PABPC4L: variants seen among roughly 807,000 people sequenced by gnomAD.
PABPC4L encodes the protein poly(A) binding protein cytoplasmic 4 like, also known as polyadenylate-binding protein 4-like.
For missense variants in PABPC4L, 452 were observed against 451.4 expected (o/e 1.00, Z -0.01); for synonymous variants, 169 against 164.1 (o/e 1.03, Z -0.23).
At chr4:134,163,352 T>C in the PABPC4L span, among the ~76,000 whole-genome samples, 1 of 152,108 alleles carries the variant, frequency 6.6e-6, no homozygotes, top group East Asian at 1.9e-4. Flanking sequence ...GCAGTGAGAC[T>C]GAATCAGTAA....
At chr4:134,018,093 C>T in the PABPC4L span, among the ~76,000 whole-genome samples, 7 of 152,072 alleles carry the variant, frequency 4.6e-5, no homozygotes, top group Non-Finnish European at 1.0e-4. Context: ...TGAAAATGGC[C>T]TGTTCCTGCC....
At chr4:134,122,438 G>T in the PABPC4L span, among the ~76,000 whole-genome samples, 4 of 151,746 alleles carry the variant, frequency 2.6e-5, no homozygotes, top group African/African-American at 4.8e-5. Context: ...ATATTAAATT[G>T]TATTGTGTTT....
At chr4:134,173,375 A>G in the PABPC4L span, among the ~76,000 whole-genome samples, 1 of 152,056 alleles carries the variant, frequency 6.6e-6, no homozygotes. Flanking sequence ...GCACATATAC[A>G]CATTATAATC....
At chr4:134,123,572 T>C in the PABPC4L span, among the ~76,000 whole-genome samples, 1 of 151,978 alleles carries the variant, frequency 6.6e-6, no homozygotes, top group Non-Finnish European at 1.5e-5. Flanking sequence ...AATTTACAAA[T>C]ATTGAATCCA....
the PABPC4L span, among the ~76,000 whole-genome samples, chr4:134,168,474 A>G: frequency 1.3e-5 from 2 of 151,894 alleles, no homozygotes; most frequent in African/African-American, 2.4e-5. Context: ...CAAATGAAAG[A>G]AAAAGTTGGT....
chr4:134,118,770 G>T, the PABPC4L span, among the ~76,000 whole-genome samples: 1 of 151,598 alleles, frequency 6.6e-6, no homozygotes, highest in East Asian at 1.9e-4. Context: ...GTTTGCTTCA[G>T]TAGAATAGCA....
At chr4:134,189,745 C>A in the PABPC4L span, among the ~76,000 whole-genome samples, 1 of 152,038 alleles carries the variant, frequency 6.6e-6, no homozygotes. Flanking sequence ...TAAATGCTTT[C>A]ATTTTTCTTT....
At chr4:134,026,890 C>T in the PABPC4L span, among the ~76,000 whole-genome samples, 1 of 151,972 alleles carries the variant, frequency 6.6e-6, no homozygotes, top group Non-Finnish European at 1.5e-5. Flanking sequence ...GGAAAAGTCA[C>T]AGAATGGATT....
In PABPC4L at chr4:134,200,951, C is replaced by T. The variant is rs770281147; in HGVS notation, c.69G>A (p.Glu23=). Residue 23 remains glutamate, a synonymous_variant, in exon 2 of 2, where the codon GAG becomes GAA. Coordinates refer to ENST00000421491, the MANE Select transcript of PABPC4L (RefSeq NM_001114734.2). ...YVGDLHADVT[E]DLLFRKFSTV... The stretch of plus-strand genomic sequence containing the variant: ...TGCTGAACTTCCTGAACAGCAGGTC[C>T]TCGGTGACATCTGCATGTAAGTCAC... 6.4e-7 allele frequency: 1 copy of T among 1,556,566 alleles called. No individual in the cohort carries two copies. The highest frequency in any genetic ancestry group is 1.4e-5 in the African/African-American group (1 of 73,246).
chr4:134,034,203 C>G, the PABPC4L span, among the ~76,000 whole-genome samples: 1 of 151,932 alleles, frequency 6.6e-6, no homozygotes. Flanking sequence ...GCATGGATAG[C>G]AACATACCTG....
At chr4:133,972,454 T>A in the PABPC4L span, among the ~76,000 whole-genome samples, 1 of 152,130 alleles carries the variant, frequency 6.6e-6, no homozygotes, top group Non-Finnish European at 1.5e-5. Context: ...TCCATTTATC[T>A]AGGGGCAGAT....
chr4:134,141,490 T>C, the PABPC4L span, among the ~76,000 whole-genome samples: 1 of 149,824 alleles, frequency 6.7e-6, no homozygotes, highest in Non-Finnish European at 1.5e-5. Context: ...TAACTATATA[T>C]TATATTATAA....
the PABPC4L span, among the ~76,000 whole-genome samples, chr4:134,045,523 A>G: frequency 5.9e-5 from 9 of 152,312 alleles, no homozygotes; most frequent in South Asian, 1.0e-3. Context: ...GGAGAAGTGC[A>G]TAGAGCTTCA....
At chr4:134,074,469 T>C in the PABPC4L span, among the ~76,000 whole-genome samples, 27 of 152,130 alleles carry the variant, frequency 1.8e-4, no homozygotes, top group Admixed American at 6.5e-5. Flanking sequence ...CTAGGAAGTT[T>C]CAAACTTTCC....
the PABPC4L span, among the ~76,000 whole-genome samples, chr4:134,028,355 C>T: frequency 6.6e-6 from 1 of 152,074 alleles, no homozygotes; most frequent in Admixed American, 6.6e-5. Context: ...TTCATCCTCT[C>T]CTCATGCTAA....
the PABPC4L span, among the ~76,000 whole-genome samples, chr4:134,148,573 C>T: frequency 7.9e-5 from 12 of 151,322 alleles, no homozygotes; most frequent in African/African-American, 2.9e-4. Flanking sequence ...ATGCCTGAAG[C>T]TTCCAAACCT....
At chr4:134,031,846 CT>C in the PABPC4L span, among the ~76,000 whole-genome samples, 1 of 151,888 alleles carries the variant, frequency 6.6e-6, no homozygotes, top group South Asian at 2.1e-4. Context: ...TGAATAAATG[CT>C]TCTAAGAAAT....
the PABPC4L span, among the ~76,000 whole-genome samples, chr4:134,063,822 GTTAT>G: frequency 6.6e-6 from 1 of 151,826 alleles, no homozygotes; most frequent in Non-Finnish European, 1.5e-5. Flanking sequence ...TAATAAATAA[GTTAT>G]TTATTGTTCT....
chr4:133,995,258 A>G, the PABPC4L span, among the ~76,000 whole-genome samples: 3 of 152,096 alleles, frequency 2.0e-5, no homozygotes, highest in African/African-American at 7.2e-5. Flanking sequence ...GGTCTCTACT[A>G]TTGGGGCACT....
Sources: allele counts gnomAD v4.1 joint callset (sites outside exome capture counted in the v4.1 genomes callset), GRCh38; gene constraint gnomAD v4.1.1; transcripts MANE v1.5; gene names NCBI Gene and HGNC (gene_info 2026-07-23, HGNC 2026-07-21).